LINGO2: variants seen among roughly 807,000 people sequenced by gnomAD.
LINGO2 encodes the protein leucine-rich repeat and immunoglobulin-like domain-containing nogo receptor-interacting protein 2.
Under a neutral mutation model 30.6 loss-of-function variants are expected in LINGO2, and 14 were observed. The observed-to-expected ratio is 0.46, with a 90% CI of 0.30 to 0.72. The LOEUF (loss-of-function observed/expected upper bound fraction) is 0.72, where lower values mean the gene tolerates loss of function less well. LINGO2 is among the 30% of genes least tolerant of loss of function. The pLI, the probability that LINGO2 is intolerant of heterozygous loss-of-function variation, is 0.07. For synonymous variants in LINGO2, 317 were observed against 288.5 expected (o/e 1.10, Z -1.00); for missense variants, 729 against 751.7 (o/e 0.97, Z 0.35).
At chr9:29,021,660 AAAAG>A in the LINGO2 span, among the ~76,000 whole-genome samples, 1 of 149,246 alleles carries the variant, frequency 6.7e-6, no homozygotes, top group African/African-American at 2.5e-5. Context: ...CCATCTCAAA[AAAAG>A]AAAGAAGAAA....
intron 4 of LINGO2, among the ~76,000 whole-genome samples, chr9:28,230,464 T>C (rs938014483): frequency 2.0e-5 from 3 of 151,906 alleles, no homozygotes; most frequent in African/African-American, 4.8e-5. Flanking sequence ...TTTCAATAAC[T>C]GTAGCTTTAT....
the LINGO2 span, among the ~76,000 whole-genome samples, chr9:28,726,593 G>T: frequency 6.6e-6 from 1 of 152,106 alleles, no homozygotes; most frequent in Non-Finnish European, 1.5e-5. Flanking sequence ...TTTGCAGATT[G>T]AAACCTTAGG....
chr9:28,369,888 CATTGTATAAT>C (rs1820829229), intron 3 of LINGO2, among the ~76,000 whole-genome samples: 1 of 152,070 alleles, frequency 6.6e-6, no homozygotes, highest in African/African-American at 2.4e-5. Context: ...AATTAATAAT[CATTGTATAAT>C]CTCTGCTTCT....
the LINGO2 span, among the ~76,000 whole-genome samples, chr9:29,091,335 T>C: frequency 0.4 from 60,207 of 151,840 alleles, 12,259 homozygotes; most frequent in African/African-American, 0.49. Flanking sequence ...TTATAGACAT[T>C]ATTTTTTAAA....
At chr9:28,501,781 A>C (rs527334509) in intron 1 of LINGO2, among the ~76,000 whole-genome samples, 1 of 152,276 alleles carries the variant, frequency 6.6e-6, no homozygotes, top group Admixed American at 6.5e-5. Flanking sequence ...CCTGCTTTGC[A>C]ATCCAGATTT....
At position 28,148,090 on chromosome 9, in the gene LINGO2, G is replaced by C; in HGVS notation, c.-86-135685C>G. The C allele has an allele frequency of 9.0e-7, 1 of 1,111,548 alleles. No individual in the cohort carries two copies. The highest frequency in any genetic ancestry group is 1.1e-6 in the Non-Finnish European group (1 of 885,874). 68.9% of individuals were successfully genotyped at this position (1,111,548 alleles called of 1,614,324 possible). On this transcript the variant is annotated intron_variant, in intron 4 of 5. Coordinates refer to ENST00000379992, the Ensembl canonical transcript of LINGO2. This position sits in a 1 kb window ranked among gnomAD's most constrained non-coding sequence, Gnocchi z 5.1. ...TCCATGAGGCCTTCCCAGCTGGCCG[G>C]GCTAACCCCGCGGCTCCTGCACCTG...
intron 1 of LINGO2, among the ~76,000 whole-genome samples, chr9:28,652,715 A>T (rs185206700): frequency 2.8e-4 from 43 of 152,080 alleles, no homozygotes; most frequent in African/African-American, 9.9e-4. Flanking sequence ...TCCCAGAAAA[A>T]AAAAGGAAAA....
intron 4 of LINGO2, among the ~76,000 whole-genome samples, chr9:28,175,119 T>G (rs1308271988): frequency 6.6e-6 from 1 of 152,122 alleles, no homozygotes; most frequent in Non-Finnish European, 1.5e-5. Flanking sequence ...TCATAGGAAC[T>G]GGAAGCTTAC....
the LINGO2 span, among the ~76,000 whole-genome samples, chr9:28,744,834 A>C: frequency 6.6e-6 from 1 of 151,650 alleles, no homozygotes; most frequent in Non-Finnish European, 1.5e-5. Context: ...ACTGGGTTTC[A>C]TCATGTTGGA....
chr9:28,783,370 G>C, the LINGO2 span, among the ~76,000 whole-genome samples: 1 of 151,938 alleles, frequency 6.6e-6, no homozygotes, highest in Non-Finnish European at 1.5e-5. Context: ...TATAAATGCT[G>C]TGTAAATAGT....
chr9:28,661,043 G>A (rs1828563213), intron 1 of LINGO2, among the ~76,000 whole-genome samples: 1 of 152,096 alleles, frequency 6.6e-6, no homozygotes, highest in African/African-American at 2.4e-5. Context: ...TGCCTTTATA[G>A]TGTGACCTTG....
the LINGO2 span, among the ~76,000 whole-genome samples, chr9:29,064,422 G>A: frequency 3.3e-5 from 5 of 151,900 alleles, no homozygotes; most frequent in Non-Finnish European, 5.9e-5. Context: ...ATGATTAATG[G>A]TTGCAATAAA....
chr9:27,990,141 T>TA (rs1821321790), intron 5 of LINGO2, among the ~76,000 whole-genome samples: 1 of 152,136 alleles, frequency 6.6e-6, no homozygotes, highest in African/African-American at 2.4e-5. Flanking sequence ...TTTTTACACA[T>TA]ACATTGTCCA....
the LINGO2 span, among the ~76,000 whole-genome samples, chr9:28,911,715 A>G: frequency 6.6e-6 from 1 of 152,110 alleles, no homozygotes; most frequent in Non-Finnish European, 1.5e-5. Flanking sequence ...CTAAAATATT[A>G]AAAGGTTAGA....
chr9:28,999,544 T>C, the LINGO2 span, among the ~76,000 whole-genome samples: 1 of 152,088 alleles, frequency 6.6e-6, no homozygotes, highest in African/African-American at 2.4e-5. Context: ...AGAATTCTTG[T>C]AATAACTTCA....
chr9:28,639,517 A>G (rs1827465928), intron 1 of LINGO2, among the ~76,000 whole-genome samples: 2 of 152,160 alleles, frequency 1.3e-5, no homozygotes, highest in Non-Finnish European at 1.5e-5. Context: ...TGCTGGGTGC[A>G]TATATATTTA....
chr9:28,712,350 A>C, the LINGO2 span, among the ~76,000 whole-genome samples: 1 of 152,088 alleles, frequency 6.6e-6, no homozygotes, highest in South Asian at 2.1e-4. Flanking sequence ...CATATGCTGA[A>C]GTTTCACCAT....
At chr9:28,564,534 T>A (rs905734984) in intron 1 of LINGO2, among the ~76,000 whole-genome samples, 2 of 152,110 alleles carry the variant, frequency 1.3e-5, no homozygotes, top group Non-Finnish European at 2.9e-5. Context: ...AGCAGAGGAA[T>A]CTACTAAGAG....
At chr9:28,176,063 G>A (rs535436826) in intron 4 of LINGO2, among the ~76,000 whole-genome samples, 4 of 152,116 alleles carry the variant, frequency 2.6e-5, no homozygotes, top group Non-Finnish European at 4.4e-5. Context: ...ATATTTTCAT[G>A]ACTTTCCATA....
Sources: allele counts gnomAD v4.1 joint callset (sites outside exome capture counted in the v4.1 genomes callset), GRCh38; gene constraint gnomAD v4.1.1; non-coding constraint Gnocchi (gnomAD v3.1); transcripts MANE v1.5; gene names NCBI Gene and HGNC (gene_info 2026-07-23, HGNC 2026-07-21).